PTPRN2: variants seen among roughly 807,000 people sequenced by gnomAD.
The protein encoded by PTPRN2 is protein tyrosine phosphatase receptor type N2, also known as receptor-type tyrosine-protein phosphatase N2.
Under a neutral mutation model 118.8 loss-of-function variants are expected in PTPRN2, and 74 were observed. That is an observed-to-expected ratio of 0.62 (90% CI 0.52 to 0.76). The LOEUF (loss-of-function observed/expected upper bound fraction) is 0.76. Ranked by LOEUF, PTPRN2 falls within the 30% of genes least tolerant of loss-of-function variation. PTPRN2 has a pLI of 0.00. For missense variants in PTPRN2, 1,481 were observed against 1,394.4 expected, an observed-to-expected ratio of 1.06 and a Z score of -0.99; for synonymous variants, 641 against 608.0, an observed-to-expected ratio of 1.05 and a Z score of -0.80.
rs1034127400 is a variant in PTPRN2, at chr7:157,583,993, A to G, written c.2497-5853T>C. Among the ~76,000 whole-genome samples, 1 of 151,752 alleles carries G rather than the reference A, an allele frequency of 6.6e-6. No individual in the cohort carries two copies. Among genetic ancestry groups the G allele is most frequent in the African/African-American group, 2.4e-5 (1 of 41,266 alleles). On this transcript the variant is annotated intron_variant, in intron 17 of 22. Transcript: ENST00000389418. The surrounding 1 kb of genome is among the most constrained non-coding windows in gnomAD (Gnocchi z 5.5). ...GACCTGATTTAAGGGAAGATGATCA[A>G]TCTGAAATAGTGAAACACTGGAGCT... is the stretch of plus-strand genomic sequence containing the variant.
Position 157,610,541 on chromosome 7 carries a change from CTG to C in PTPRN2, c.2345-6468_2345-6467del, listed in dbSNP as rs935454825. ...CCGAGTTTATGGTGTCCATCGAGGTCTGAGGGCTGCAAAGGCACATCCCGGGG... is the reference window on the plus strand; with the variant it reads ...CCGAGTTTATGGTGTCCATCGAGGTCAGGGCTGCAAAGGCACATCCCGGGG... On this transcript the variant is annotated intron_variant, in intron 15 of 22. Transcript: ENST00000389418. This position sits in a 1 kb window ranked among gnomAD's most constrained non-coding sequence, Gnocchi z 5.1. Among the ~76,000 whole-genome samples, 3 of 152,216 alleles carry C rather than the reference CTG, an allele frequency of 2.0e-5. No homozygotes were observed. Among genetic ancestry groups the C allele is most frequent in the African/African-American group, 7.2e-5 (3 of 41,454 alleles).
chr7:157,616,931 C>T (rs1415629853), intron 15 of PTPRN2: 1 of 152,082 alleles, frequency 6.6e-6, no homozygotes, highest in Admixed American at 6.5e-5. Flanking sequence ...TATGCTTAGC[C>T]AAAGTGCTTC....
rs1368625996 is a variant in PTPRN2 at position 157,611,712 on chromosome 7, C to G, written c.2345-7637G>C. 1.3e-5 allele frequency among the ~76,000 whole-genome samples: 2 copies of G among 151,982 alleles called. No homozygotes were observed. Among genetic ancestry groups the G allele is most frequent in the African/African-American group, 4.8e-5 (2 of 41,372 alleles). ...GAGAGCGCCCGTGTGAAGACGAAGA[C>G]AGCCGCGGTCATGCTGGGGACACGC... On this transcript the variant is annotated intron_variant, in intron 15 of 22. Coordinates refer to ENST00000389418, the MANE Select transcript of PTPRN2 (RefSeq NM_002847.5). The surrounding 1 kb of genome is among the most constrained non-coding windows in gnomAD (Gnocchi z 5.9).
At chr7:157,828,168 G>A (rs1214519168) in intron 12 of PTPRN2, among the ~76,000 whole-genome samples, 1 of 152,234 alleles carries the variant, frequency 6.6e-6, no homozygotes, top group African/African-American at 2.4e-5. Flanking sequence ...GTCTTACTCA[G>A]AGGAAGATGG....
chr7:157,878,051 C>T (rs1795885726), intron 12 of PTPRN2, among the ~76,000 whole-genome samples: 1 of 152,252 alleles, frequency 6.6e-6, no homozygotes, highest in Non-Finnish European at 1.5e-5. Context: ...GGCTCTCTGA[C>T]TCTGAAGGGC....
intron 12 of PTPRN2, among the ~76,000 whole-genome samples, chr7:157,788,577 C>T (rs1474871929): frequency 6.6e-6 from 1 of 152,176 alleles, no homozygotes; most frequent in Non-Finnish European, 1.5e-5. Flanking sequence ...TTAGTCGTCA[C>T]CCCTAGGAAG....
intron 12 of PTPRN2, among the ~76,000 whole-genome samples, chr7:157,824,982 C>T (rs1379883371): frequency 6.6e-6 from 1 of 152,136 alleles, no homozygotes; most frequent in Non-Finnish European, 1.5e-5. Flanking sequence ...GGGAGTCAGC[C>T]AATGTGGCCC....
At chr7:158,280,844 G>A (rs899162807) in intron 3 of PTPRN2, among the ~76,000 whole-genome samples, 4 of 152,218 alleles carry the variant, frequency 2.6e-5, no homozygotes, top group African/African-American at 4.8e-5. Context: ...GATGGAAAGC[G>A]GGAGGGGAGG....
At chr7:158,199,279 T>C (rs544454682) in intron 4 of PTPRN2, among the ~76,000 whole-genome samples, 2 of 152,312 alleles carry the variant, frequency 1.3e-5, no homozygotes, top group East Asian at 3.9e-4. Context: ...TGTTCTCAGG[T>C]TCCTGGTGAC....
intron 2 of PTPRN2, among the ~76,000 whole-genome samples, chr7:158,416,072 A>G (rs1420230618): frequency 2.6e-5 from 4 of 152,236 alleles, no homozygotes; most frequent in Non-Finnish European, 5.9e-5. Flanking sequence ...TTTCAGAAAC[A>G]GCAAATCCTA....
At chr7:158,311,879 A>T in intron 3 of PTPRN2, among the ~76,000 whole-genome samples, 2 of 148,060 alleles carry the variant, frequency 1.4e-5, no homozygotes, top group African/African-American at 5.3e-5. Context: ...AGACACCCAC[A>T]CACCTGCACG....
At chr7:157,684,622 A>G (rs1236065175) in intron 12 of PTPRN2, among the ~76,000 whole-genome samples, 1 of 33,344 alleles carries the variant, frequency 3.0e-5, no homozygotes, top group Admixed American at 3.5e-4. Context: ...CCTCCGGCCC[A>G]CACAGCCTCT....
At chr7:158,165,011 A>C (rs908048520) in intron 6 of PTPRN2, among the ~76,000 whole-genome samples, 7 of 152,206 alleles carry the variant, frequency 4.6e-5, no homozygotes, top group Admixed American at 2.0e-4. Flanking sequence ...ACGAGAGTGC[A>C]GGAGGCAGTG....
Position 157,884,742 on chromosome 7 carries a change from CT to C in PTPRN2, c.1788+13930del, listed in dbSNP as rs1584949054. 3.3e-5 allele frequency among the ~76,000 whole-genome samples: 5 copies of C among 152,342 alleles called. No individual in the cohort carries two copies. In the East Asian group the frequency reaches 9.7e-4, roughly 29 times the overall value. On this transcript the variant is annotated intron_variant, in intron 12 of 22. Transcript: ENST00000389418. ...CATCAGATCTCATGAGACTCATTGACTGTCACGAGAACAGCATGGGAAAGAC... is the reference window on the plus strand; with the variant it reads ...CATCAGATCTCATGAGACTCATTGACGTCACGAGAACAGCATGGGAAAGAC...
chr7:158,345,778 TCA>T (rs1204244577), intron 2 of PTPRN2, among the ~76,000 whole-genome samples: 2 of 152,244 alleles, frequency 1.3e-5, no homozygotes, highest in East Asian at 3.9e-4. Flanking sequence ...TTTAATTGAC[TCA>T]CAGTTCCACA....
intron 2 of PTPRN2, among the ~76,000 whole-genome samples, chr7:158,330,548 ACGT>A (rs1804158862): frequency 1.5e-5 from 1 of 64,964 alleles, no homozygotes; most frequent in African/African-American, 5.4e-5. Context: ...ACACCCGCAG[ACGT>A]CACTCACACC....
At chr7:157,707,463 G>A (rs1585276145) in intron 12 of PTPRN2, among the ~76,000 whole-genome samples, 2 of 152,288 alleles carry the variant, frequency 1.3e-5, no homozygotes, top group South Asian at 2.1e-4. Context: ...GTTAACATAC[G>A]TGCCCGCTAA....
chr7:158,318,494 G>A (rs1355981868), intron 2 of PTPRN2, among the ~76,000 whole-genome samples: 1 of 152,118 alleles, frequency 6.6e-6, no homozygotes, highest in Non-Finnish European at 1.5e-5. Context: ...CACGGGCCAG[G>A]AAGAACCAAA....
At chr7:157,925,946 C>T (rs1403624914) in intron 11 of PTPRN2, among the ~76,000 whole-genome samples, 4 of 152,204 alleles carry the variant, frequency 2.6e-5, no homozygotes, top group African/African-American at 9.7e-5. Context: ...GATAAGGAAA[C>T]TAGTTCCCTG....
Sources: gnomAD v4.1 joint callset for allele counts (sites outside exome capture counted in the v4.1 genomes callset) on GRCh38, gnomAD v4.1.1 for gene constraint, Gnocchi (gnomAD v3.1) non-coding constraint, MANE v1.5 for transcripts, NCBI Gene and HGNC (gene_info 2026-07-23, HGNC 2026-07-21) for gene names.